Variants in ABTB3 observed in about 807,000 individuals in gnomAD.
ABTB3 encodes the protein ankyrin repeat- and BTB/POZ domain-containing protein 3.
the ABTB3 span, among the ~76,000 whole-genome samples, chr12:107,496,110 G>T: frequency 9.9e-5 from 15 of 152,128 alleles, no homozygotes; most frequent in African/African-American, 3.4e-4. Context: ...GCCCTCCAGC[G>T]TGTGCATAAC....
chr12:107,649,452 G>A, the ABTB3 span: 1 of 617,030 alleles, frequency 1.6e-6, no homozygotes, highest in African/African-American at 1.8e-5. Context: ...AAACAGGAAG[G>A]GCTTCTCATC....
At chr12:107,323,435 G>A in the ABTB3 span, among the ~76,000 whole-genome samples, 1 of 152,206 alleles carries the variant, frequency 6.6e-6, no homozygotes, top group Non-Finnish European at 1.5e-5. Flanking sequence ...AAGGCTTAGG[G>A]GCTCTCGAAA....
At chr12:107,621,978 T>C in the ABTB3 span, among the ~76,000 whole-genome samples, 5 of 152,200 alleles carry the variant, frequency 3.3e-5, no homozygotes, top group Admixed American at 1.3e-4. Flanking sequence ...TGGTGGCTCA[T>C]GCCTGTAATC....
the ABTB3 span, among the ~76,000 whole-genome samples, chr12:107,527,060 C>T: frequency 6.6e-6 from 1 of 152,094 alleles, no homozygotes; most frequent in Non-Finnish European, 1.5e-5. Context: ...AAAGCTCCCT[C>T]GCTTCATTCA....
chr12:107,440,732 G>A, the ABTB3 span, among the ~76,000 whole-genome samples: 1,183 of 152,194 alleles, frequency 7.8e-3, 17 homozygotes, highest in African/African-American at 0.026. Flanking sequence ...AGGAAAGAAG[G>A]GAGGCAGGGA....
At chr12:107,338,844 C>G in the ABTB3 span, among the ~76,000 whole-genome samples, 1 of 152,192 alleles carries the variant, frequency 6.6e-6, no homozygotes, top group South Asian at 2.1e-4. Context: ...GAGACAGAGT[C>G]TCTCTCTATT....
chr12:107,624,459 G>T, the ABTB3 span, among the ~76,000 whole-genome samples: 1 of 152,020 alleles, frequency 6.6e-6, no homozygotes, highest in Non-Finnish European at 1.5e-5. Flanking sequence ...TCACCACAAG[G>T]ATTCCTCATG....
chr12:107,406,566 A>G, the ABTB3 span, among the ~76,000 whole-genome samples: 1 of 152,128 alleles, frequency 6.6e-6, no homozygotes, highest in Admixed American at 6.5e-5. Context: ...AGCTCAGAGC[A>G]TGAGATGGTC....
At chr12:107,626,693 A>G in the ABTB3 span, among the ~76,000 whole-genome samples, 1 of 152,134 alleles carries the variant, frequency 6.6e-6, no homozygotes, top group Non-Finnish European at 1.5e-5. Context: ...CAAAGCCCCC[A>G]GTTGGACAGT....
the ABTB3 span, among the ~76,000 whole-genome samples, chr12:107,456,378 A>G: frequency 3.3e-4 from 50 of 152,346 alleles, no homozygotes; most frequent in African/African-American, 1.2e-3. Flanking sequence ...CGTTGCTCGC[A>G]TTACCGCCTA....
chr12:107,463,855 T>C, the ABTB3 span, among the ~76,000 whole-genome samples: 24 of 152,256 alleles, frequency 1.6e-4, no homozygotes, highest in Non-Finnish European at 3.2e-4. Flanking sequence ...AATCTTTGCT[T>C]TTAGAGAACA....
the ABTB3 span, among the ~76,000 whole-genome samples, chr12:107,480,292 T>A: frequency 6.6e-6 from 1 of 151,424 alleles, no homozygotes; most frequent in East Asian, 1.9e-4. Context: ...AAAAAAAAAA[T>A]GTTATCCTAT....
At chr12:107,343,568 A>T in the ABTB3 span, among the ~76,000 whole-genome samples, 6 of 152,138 alleles carry the variant, frequency 3.9e-5, no homozygotes, top group Non-Finnish European at 8.8e-5. Context: ...CAAGGTAGGG[A>T]GTTGGTTTTC....
the ABTB3 span, among the ~76,000 whole-genome samples, chr12:107,428,958 C>A: frequency 3.3e-5 from 5 of 152,134 alleles, no homozygotes. Context: ...TTCAAAGGCA[C>A]GTAGCTGCCA....
the ABTB3 span, among the ~76,000 whole-genome samples, chr12:107,413,087 A>C: frequency 1.3e-5 from 2 of 152,016 alleles, no homozygotes; most frequent in African/African-American, 4.8e-5. Flanking sequence ...ATCCTGGCTA[A>C]CACCGTGAAA....
chr12:107,518,440 C>T, the ABTB3 span, among the ~76,000 whole-genome samples: 2 of 152,132 alleles, frequency 1.3e-5, no homozygotes, highest in Non-Finnish European at 2.9e-5. Flanking sequence ...ATGATGAGTT[C>T]ATGTCCTTTG....
the ABTB3 span, among the ~76,000 whole-genome samples, chr12:107,452,959 G>C: frequency 6.6e-6 from 1 of 152,192 alleles, no homozygotes; most frequent in Non-Finnish European, 1.5e-5. Context: ...CAGAATAATG[G>C]GGTGGGGCTG....
the ABTB3 span, among the ~76,000 whole-genome samples, chr12:107,572,498 C>A: frequency 1.3e-5 from 2 of 152,118 alleles, no homozygotes; most frequent in Non-Finnish European, 2.9e-5. Context: ...CACCAGCTCC[C>A]TAGGTGATCT....
At chr12:107,384,176 C>G in the ABTB3 span, among the ~76,000 whole-genome samples, 1 of 152,110 alleles carries the variant, frequency 6.6e-6, no homozygotes, top group Non-Finnish European at 1.5e-5. Context: ...CAAAGATTTC[C>G]TATGTATTGA....
Sources: allele counts gnomAD v4.1 joint callset (sites outside exome capture counted in the v4.1 genomes callset), GRCh38; gene constraint gnomAD v4.1.1; transcripts MANE v1.5; gene names NCBI Gene and HGNC (gene_info 2026-07-23, HGNC 2026-07-21).